The following DUOX1 variants were observed in gnomAD, a reference collection of about 807,000 sequenced individuals.
DUOX1 encodes the protein NADPH thyroid oxidase 1.
In DUOX1, 134 loss-of-function variants were observed where a neutral mutation model predicts 181.8. That is an observed-to-expected ratio of 0.74 (90% CI 0.64 to 0.85). The LOEUF (loss-of-function observed/expected upper bound fraction) is 0.85, where lower values mean the gene tolerates loss of function less well. Among genes scored for constraint, DUOX1 ranks in the 40% least tolerant of loss-of-function variants. The pLI, the probability that DUOX1 is intolerant of heterozygous loss-of-function variation, is 0.00. For missense variants in DUOX1, 1,814 were observed against 2,064.4 expected (o/e 0.88, Z 2.35); for synonymous variants, 798 against 832.5 (o/e 0.96, Z 0.71).
chr15:45,137,360 CAAAAAAAAAAA>C lies in DUOX1; in HGVS notation c.1023-550_1023-540del, dbSNP rs748162336. The stretch of plus-strand genomic sequence containing the variant: ...GGACAACAAGAGTGAAACTCCATCT[CAAAAAAAAAAA>C]AAAAAAAAAAAAAGACACATATTTA... On this transcript the variant is annotated intron_variant, in intron 9 of 33. Transcript: ENST00000389037. Among the ~76,000 whole-genome samples the C allele has an allele frequency of 1.9e-4, 9 of 46,472 alleles. No homozygotes were observed. In the South Asian group the frequency reaches 0.01, roughly 53 times the overall value. 30.5% of individuals were successfully genotyped at this position (46,472 alleles called of 152,430 possible).
chr15:45,144,129 TG>T lies in DUOX1; in HGVS notation c.2031del (p.Leu678SerfsTer56), dbSNP rs776732750. On this transcript the variant is annotated frameshift_variant, in exon 17 of 34. Coordinates refer to ENST00000389037, the MANE Select transcript of DUOX1 (RefSeq NM_175940.3). LOFTEE classifies it high-confidence loss of function. ...CGTGTGGTAGATGGCAGGCTCACCGTGCTCCGCACCATCCAGCTGCAGCCTC... is the reference window on the plus strand; with the variant it reads ...CGTGTGGTAGATGGCAGGCTCACCGTCTCCGCACCATCCAGCTGCAGCCTC... Reference protein sequence around the residue: ...QIRVVDGRLTVLRTIQLQPPQ... With the variant: ...QIRVVDGRLTXLRTIQLQPPQ... 5 of 1,614,086 alleles carry T rather than the reference TG, an allele frequency of 3.1e-6. No individual in the cohort carries two copies. The South Asian group carries it at 5.5e-5, about 18-fold the overall frequency.
intron 23 of DUOX1, 160 bp from the exon 24 acceptor site, chr15:45,151,714 G>A: frequency 1.4e-6 from 1 of 711,142 alleles, no homozygotes; most frequent in East Asian, 2.7e-5. Flanking sequence ...ATAGCCTGAT[G>A]CGGTGAGGTC....
chr15:45,133,990 G>T, intron 3 of DUOX1, 43 bp downstream of exon 3: 7 of 1,605,524 alleles, frequency 4.4e-6, no homozygotes, highest in Non-Finnish European at 6.0e-6. Context: ...GGGCCAGGGG[G>T]GTACTGAGTG....
In DUOX1 at chr15:45,147,771, G is replaced by A. The variant is rs538249336; in HGVS notation, c.2548+113G>A. ...GCAGATGCCCAGAAGTGCCCAGGCC[G>A]AGGTCAGGAAGCAGAGCGACCCTTG... is the stretch of plus-strand genomic sequence containing the variant. On this transcript the variant is annotated intron_variant, in intron 19 of 33. Transcript: ENST00000389037. 26 of 1,552,964 alleles carry A rather than the reference G, an allele frequency of 1.7e-5. No individual in the cohort carries two copies. In the East Asian group the frequency reaches 1.8e-4, roughly 11 times the overall value.
In DUOX1 at chr15:45,135,238, A is replaced by C. The variant is rs1896265834; in HGVS notation, c.442A>C (p.Arg148=). 1 of 1,613,200 alleles carries C rather than the reference A, an allele frequency of 6.2e-7. No individual in the cohort carries two copies. The highest frequency in any genetic ancestry group is 8.5e-7 in the Non-Finnish European group (1 of 1,179,908). Residue 148 remains arginine (R), a synonymous_variant, in exon 5 of 34, where the codon AGA becomes CGA. Transcript: ENST00000389037. ...QRGDVVLPFQ[R]SRWDPETGRS... is the part of the protein sequence containing the mutation. The stretch of plus-strand genomic sequence containing the variant: ...CGGGGACGTGGTGCTGCCCTTCCAG[A>C]GAAGCCGCTGGGACCCCGAGACCGG...
In DUOX1 at chr15:45,147,895, C is replaced by G. The variant is rs766083057; in HGVS notation, c.2549-9C>G. The G allele has an allele frequency of 6.2e-7, 1 of 1,612,344 alleles. No homozygotes were observed. The highest frequency in any genetic ancestry group is 1.3e-5 in the African/African-American group (1 of 74,894). Reference sequence around the variant, plus strand: ...GGGGGCTCTCCTTATGGAGTCCTCCCTCTCCCAGGCTCTCCTGAGGAAAAG... The same window carrying G: ...GGGGGCTCTCCTTATGGAGTCCTCCGTCTCCCAGGCTCTCCTGAGGAAAAG... On this transcript the variant is annotated splice_polypyrimidine_tract_variant and intron_variant, in intron 19 of 33. Transcript: ENST00000389037.
intron 21 of DUOX1, among the ~76,000 whole-genome samples, chr15:45,148,894 G>C (rs1896733424): frequency 6.6e-6 from 1 of 151,700 alleles, no homozygotes; most frequent in Non-Finnish European, 1.5e-5. Flanking sequence ...TGGGATGTCT[G>C]GTTGTGGGGG....
intron 18 of DUOX1, among the ~76,000 whole-genome samples, chr15:45,146,859 G>C (rs746683586): frequency 5.9e-5 from 9 of 152,216 alleles, no homozygotes; most frequent in Non-Finnish European, 1.3e-4. Flanking sequence ...AAGCCTCTGG[G>C]TGGGCTGGGG....
At chr15:45,142,453 C>T (rs776407841) in intron 15 of DUOX1, among the ~76,000 whole-genome samples, 1 of 152,094 alleles carries the variant, frequency 6.6e-6, no homozygotes, top group Non-Finnish European at 1.5e-5. Context: ...AGACGGGGCG[C>T]GGTGGCTCAT....
intron 33 of DUOX1, 22 bp downstream of exon 33, chr15:45,163,940 G>A (rs778937254): frequency 6.2e-7 from 1 of 1,610,610 alleles, no homozygotes; most frequent in Non-Finnish European, 8.5e-7. Flanking sequence ...CCATAACCAG[G>A]TTCTCTTCCT....
chr15:45,148,802 C>T (rs929010124), intron 21 of DUOX1, among the ~76,000 whole-genome samples: 2 of 152,010 alleles, frequency 1.3e-5, no homozygotes, highest in East Asian at 3.9e-4. Context: ...GGCTCCCTGC[C>T]AAAGCCCCCT....
rs1567023442 is a variant in DUOX1, at chr15:45,164,777, A to G, written c.4534-2A>G. 11 of 1,614,222 alleles carry G rather than the reference A, an allele frequency of 6.8e-6. No homozygotes were observed. Among genetic ancestry groups the G allele is most frequent in the African/African-American group, 1.3e-5 (1 of 75,064 alleles). Reference sequence around the variant, plus strand: ...AGCCTCCACTTATTCCTCCTGCAACAGGTCCGGAAGATCGGGGTGTTTAGC... The same window carrying G: ...AGCCTCCACTTATTCCTCCTGCAACGGGTCCGGAAGATCGGGGTGTTTAGC... On this transcript the variant is annotated splice_acceptor_variant, in intron 33 of 33. Coordinates refer to ENST00000389037, the MANE Select transcript of DUOX1 (RefSeq NM_175940.3). LOFTEE classifies it high-confidence loss of function.
chr15:45,161,415 C>CAAAAAA lies in DUOX1; in HGVS notation c.3857-303_3857-298dup, dbSNP rs35506541. The stretch of plus-strand genomic sequence containing the variant: ...GCCTGGCAACAGAGTGAGACTGTGT[C>CAAAAAA]AAAAAAAAAAAAAAAAAAAAAAAAA... On this transcript the variant is annotated intron_variant, in intron 29 of 33. Transcript: ENST00000389037. Among the ~76,000 whole-genome samples the CAAAAAA allele has an allele frequency of 2.8e-3, 135 of 48,206 alleles. 6 individuals carry two copies. The highest frequency in any genetic ancestry group is 9.6e-3 in the African/African-American group (122 of 12,670). 31.6% of individuals were successfully genotyped at this position (48,206 alleles called of 152,430 possible). A position where few individuals can be genotyped will look rare whatever the true frequency, so the allele number is the denominator to read the frequency against.
At position 45,144,044 on chromosome 15, in the gene DUOX1, T is replaced by C. The variant is rs1896578008; in HGVS notation, c.1945T>C (p.Trp649Arg). ...TGTCTCTCTCCCCCTAGCTTTGGAA[T>C]GGCAAGGCCACAAGGAGCCCTGCCG... ...KLVGGMEALE[W>R]QGHKEPCRPV... The change falls in exon 17 of 34, where the codon TGG becomes CGG. Residue 649 changes from tryptophan to arginine, a missense_variant. Physicochemically the swap from Trp to Arg is moderately radical, Grantham distance 101. Coordinates refer to ENST00000389037, the MANE Select transcript of DUOX1 (RefSeq NM_175940.3). 6.2e-7 allele frequency: 1 copy of C among 1,613,788 alleles called. No homozygotes were observed. The highest frequency in any genetic ancestry group is 8.5e-7 in the Non-Finnish European group (1 of 1,180,020).
chr15:45,138,112 A>AG, intron 10 of DUOX1, 98 bp downstream of exon 10: 3 of 444,978 alleles, frequency 6.7e-6, no homozygotes, highest in Non-Finnish European at 1.0e-5. Flanking sequence ...GTGTGAGTGC[A>AG]TGGTGAAAGT....
chr15:45,151,273 C>A (rs1480586383), intron 23 of DUOX1, 25 bp downstream of exon 23: 3 of 1,608,152 alleles, frequency 1.9e-6, no homozygotes, highest in Non-Finnish European at 2.5e-6. Context: ...CCCCTTAAGC[C>A]CAGGCAGTTC....
chr15:45,135,409 G>A (rs1896275804), intron 5 of DUOX1, 65 bp from the exon 6 acceptor site: 5 of 1,513,190 alleles, frequency 3.3e-6, no homozygotes, highest in Middle Eastern at 4.7e-4. Context: ...ACACCCGCCG[G>A]GCCCCGGCCT....
intron 33 of DUOX1, among the ~76,000 whole-genome samples, chr15:45,164,359 A>ATTAGAAATG (rs1341617151): frequency 6.6e-6 from 1 of 152,036 alleles, no homozygotes; most frequent in Non-Finnish European, 1.5e-5. Context: ...CCCAACCTCT[A>ATTAGAAATG]TTAGAAATGT....
At chr15:45,155,954 G>T in intron 28 of DUOX1, 25 bp downstream of exon 28, 1 of 1,614,128 alleles carries the variant, frequency 6.2e-7, no homozygotes, top group Non-Finnish European at 8.5e-7. Flanking sequence ...CTGTGAGCCA[G>T]GCCAGGAGGG....
Sources: allele counts gnomAD v4.1 joint callset (sites outside exome capture counted in the v4.1 genomes callset), GRCh38; gene constraint gnomAD v4.1.1; transcripts MANE v1.5; gene names NCBI Gene and HGNC (gene_info 2026-07-23, HGNC 2026-07-21).